The following CDS2 variants were observed in gnomAD, a reference collection of about 807,000 sequenced individuals.
CDS2 encodes CDP-diacylglycerol synthase 2, also known as phosphatidate cytidylyltransferase 2.
A neutral mutation model predicts 59.0 loss-of-function variants in CDS2; 47 were observed. That is an observed-to-expected ratio of 0.80 (90% CI 0.63 to 1.02). The LOEUF (loss-of-function observed/expected upper bound fraction) is 1.02, where lower values mean the gene tolerates loss of function less well. Among genes scored for constraint, CDS2 ranks in the 50% least tolerant of loss-of-function variants. The pLI, the probability that CDS2 is intolerant of heterozygous loss-of-function variation, is 0.00. For synonymous variants in CDS2, 207 were observed against 206.4 expected (o/e 1.00, Z -0.02); for missense variants, 356 against 558.9 (o/e 0.64, Z 3.66).
chr20:5,178,176 C>T (rs1395579472), intron 4 of CDS2, among the ~76,000 whole-genome samples: 1 of 152,152 alleles, frequency 6.6e-6, no homozygotes, highest in African/African-American at 2.4e-5. Context: ...GAAGAGTTAA[C>T]GCTAATGGAA....
intron 5 of CDS2, among the ~76,000 whole-genome samples, chr20:5,181,533 G>A (rs2091033684): frequency 1.3e-5 from 2 of 152,340 alleles, no homozygotes; most frequent in South Asian, 2.1e-4. Context: ...AGGCACAACA[G>A]GCAGCAAACT....
At chr20:5,135,622 C>A (rs1160115147) in intron 1 of CDS2, among the ~76,000 whole-genome samples, 1 of 152,108 alleles carries the variant, frequency 6.6e-6, no homozygotes, top group African/African-American at 2.4e-5. Context: ...AGTGAGGCAC[C>A]CCCTCCCCAC....
rs547749565 is a variant in CDS2 at position 5,177,669 on chromosome 20, G to T, written c.389+924G>T. ...CAGGGGTTGAAGCCATGACTTAGCC[G>T]GCTGGAGAGCAGTGGTTTTTGCCCC... On this transcript the variant is annotated intron_variant, in intron 4 of 12. Coordinates refer to ENST00000460006, the MANE Select transcript of CDS2 (RefSeq NM_003818.4). 1.4e-3 allele frequency among the ~76,000 whole-genome samples: 210 copies of T among 152,222 alleles called. 1 individual carries two copies. Among genetic ancestry groups the T allele is most frequent in the African/African-American group, 4.3e-3 (180 of 41,534 alleles).
intron 1 of CDS2, among the ~76,000 whole-genome samples, chr20:5,135,880 T>G (rs1263299129): frequency 6.6e-6 from 1 of 152,236 alleles, no homozygotes; most frequent in East Asian, 1.9e-4. Context: ...CATGCCACAC[T>G]GTGGTTCTCA....
rs2090971785 is a variant in CDS2 at position 5,173,517 on chromosome 20, A to G, written c.58-6A>G. Reference sequence around the variant, plus strand: ...CCTTTTTCTCTTCTGTATTTCTGCCACTTAGGAGTCAGAGTCAGAAGCAAA... The same window carrying G: ...CCTTTTTCTCTTCTGTATTTCTGCCGCTTAGGAGTCAGAGTCAGAAGCAAA... On this transcript the variant is annotated splice_polypyrimidine_tract_variant and splice_region_variant and intron_variant, in intron 1 of 12. Transcript: ENST00000460006. The G allele has an allele frequency of 6.2e-7, 1 of 1,613,934 alleles. No homozygotes were observed. Among genetic ancestry groups the G allele is most frequent in the Non-Finnish European group, 8.5e-7 (1 of 1,179,922 alleles).
chr20:5,154,147 A>G (rs1245788646), intron 1 of CDS2, among the ~76,000 whole-genome samples: 1 of 152,150 alleles, frequency 6.6e-6, no homozygotes, highest in Non-Finnish European at 1.5e-5. Context: ...CTGTCCTGTC[A>G]TCTGCAAGCT....
chr20:5,152,110 A>G (rs116151853), intron 1 of CDS2, among the ~76,000 whole-genome samples: 2,675 of 151,754 alleles, frequency 0.018, 79 homozygotes, highest in African/African-American at 0.059. Context: ...AAACAAAAAC[A>G]GGCAATGATC....
rs2091050070 is a variant in CDS2 at position 5,184,040 on chromosome 20, T to C, written c.672-818T>C. 2.0e-5 allele frequency among the ~76,000 whole-genome samples: 3 copies of C among 152,156 alleles called. No homozygotes were observed. The highest frequency in any genetic ancestry group is 2.0e-4 in the Admixed American group (3 of 15,280). On this transcript the variant is annotated intron_variant, in intron 7 of 12. Transcript: ENST00000460006. This position sits in a 1 kb window ranked among gnomAD's most constrained non-coding sequence, Gnocchi z 4.3. ...GGTGTGGTGGCGTGGCAGGTGCCTG[T>C]AATCCTAGCTATTCCGGAGGCTGAG...
intron 1 of CDS2, among the ~76,000 whole-genome samples, chr20:5,137,933 G>T (rs1004882769): frequency 6.6e-6 from 1 of 151,454 alleles, no homozygotes; most frequent in Non-Finnish European, 1.5e-5. Flanking sequence ...CGAGTAGCTG[G>T]GACTACAGGC....
intron 1 of CDS2, among the ~76,000 whole-genome samples, chr20:5,145,357 A>C (rs4239762): frequency 0.52 from 78,449 of 151,184 alleles, 21,170 homozygotes; most frequent in African/African-American, 0.65. Flanking sequence ...TAAAGATAAA[A>C]CTAGTTTTGA....
Position 5,183,070 on chromosome 20 carries a change from AC to A in CDS2, c.601del (p.His201MetfsTer2). The A allele has an allele frequency of 6.2e-7, 1 of 1,613,988 alleles. No homozygotes were observed. The highest frequency in any genetic ancestry group is 8.5e-7 in the Non-Finnish European group (1 of 1,179,882). On this transcript the variant is annotated frameshift_variant, in exon 7 of 13. Coordinates refer to ENST00000460006, the MANE Select transcript of CDS2 (RefSeq NM_003818.4). LOFTEE classifies it high-confidence loss of function. Reference protein sequence around the residue: ...YRLQFYMFGWTHVTLLIVVTQ... With the variant: ...YRLQFYMFGWXHVTLLIVVTQ... ...TTTCTTTTTTTTGCAGTTTGGCTGG[AC>A]CCATGTGACATTGCTGATTGTTGTA...
At chr20:5,181,010 A>G (rs753753597) in intron 5 of CDS2, among the ~76,000 whole-genome samples, 2 of 152,086 alleles carry the variant, frequency 1.3e-5, no homozygotes, top group Non-Finnish European at 1.5e-5. Context: ...TTAAGAGAAC[A>G]TTGAGTAAGC....
At chr20:5,143,246 C>T (rs562256874) in intron 1 of CDS2, among the ~76,000 whole-genome samples, 3 of 152,260 alleles carry the variant, frequency 2.0e-5, no homozygotes, top group Non-Finnish European at 4.4e-5. Flanking sequence ...TACAACTGCA[C>T]ACCCACTAGA....
At chr20:5,188,711 T>C (rs1033144065) in intron 10 of CDS2, among the ~76,000 whole-genome samples, 6 of 152,228 alleles carry the variant, frequency 3.9e-5, no homozygotes, top group Non-Finnish European at 7.3e-5. Context: ...AAGTGTGGCA[T>C]TGGCTGCTGC....
At chr20:5,150,841 T>G (rs1010630763) in intron 1 of CDS2, among the ~76,000 whole-genome samples, 1 of 152,232 alleles carries the variant, frequency 6.6e-6, no homozygotes, top group African/African-American at 2.4e-5. Flanking sequence ...TTCTTTGTCT[T>G]CGATTTCTGT....
intron 1 of CDS2, among the ~76,000 whole-genome samples, chr20:5,149,809 G>A (rs529297242): frequency 9.3e-4 from 141 of 152,054 alleles, no homozygotes; most frequent in African/African-American, 3.1e-3. Context: ...TCCGCCCCCC[G>A]GGTTCAAGTG....
intron 10 of CDS2, chr20:5,187,091 G>GT: frequency 3.8e-6 from 1 of 260,486 alleles, no homozygotes; most frequent in Admixed American, 4.8e-5. Flanking sequence ...GATCCTTTTA[G>GT]TTGCGGGGGT....
intron 3 of CDS2, 47 bp downstream of exon 3, chr20:5,175,326 G>A (rs760526335): frequency 2.0e-6 from 3 of 1,475,350 alleles, no homozygotes; most frequent in Non-Finnish European, 2.8e-6. Context: ...AGTTTTTGCT[G>A]CAGGCCCGGT....
chr20:5,127,197 G>C, intron 1 of CDS2, 48 bp downstream of exon 1: 1 of 1,422,400 alleles, frequency 7.0e-7, no homozygotes, highest in South Asian at 1.4e-5. Context: ...GGCGCATCCG[G>C]GAGGCCTGCG....
Sources: gnomAD v4.1 joint callset for allele counts (sites outside exome capture counted in the v4.1 genomes callset) on GRCh38, gnomAD v4.1.1 for gene constraint, Gnocchi (gnomAD v3.1) non-coding constraint, MANE v1.5 for transcripts, NCBI Gene and HGNC (gene_info 2026-07-23, HGNC 2026-07-21) for gene names.